Variants in TMEM63C observed in about 807,000 individuals in gnomAD.
The protein encoded by TMEM63C is transmembrane protein 63C, also known as osmosensitive cation channel TMEM63C.
A neutral mutation model predicts 99.2 loss-of-function variants in TMEM63C; 32 were observed. That is an observed-to-expected ratio of 0.32 (90% CI 0.24 to 0.43). The LOEUF is 0.43. Among genes scored for constraint, TMEM63C ranks in the 20% least tolerant of loss-of-function variants. TMEM63C has a pLI of 1.00. For missense variants in TMEM63C, 826 were observed against 1,053.0 expected, an observed-to-expected ratio of 0.78 and a Z score of 2.98; for synonymous variants, 376 against 397.9, an observed-to-expected ratio of 0.94 and a Z score of 0.66.
chr14:77,248,538 C>A, intron 19 of TMEM63C, 29 bp downstream of exon 19: 1 of 1,562,970 alleles, frequency 6.4e-7, no homozygotes, highest in South Asian at 1.2e-5. Flanking sequence ...CTGAGCACAG[C>A]CCTCAGTTTC....
At chr14:77,208,745 A>G (rs2140101724) in intron 1 of TMEM63C, among the ~76,000 whole-genome samples, 1 of 152,364 alleles carries the variant, frequency 6.6e-6, no homozygotes, top group African/African-American at 2.4e-5. Context: ...AGGGCCTGGC[A>G]TATAGAACTC....
chr14:77,224,118 C>T (rs1284607180), intron 5 of TMEM63C, among the ~76,000 whole-genome samples: 1 of 152,010 alleles, frequency 6.6e-6, no homozygotes, highest in Non-Finnish European at 1.5e-5. Flanking sequence ...CTGCTGTGAA[C>T]ACCCTCGAGT....
intron 15 of TMEM63C, 75 bp from the exon 16 acceptor site, chr14:77,244,273 TG>T: frequency 8.9e-7 from 1 of 1,128,502 alleles, no homozygotes; most frequent in Non-Finnish European, 1.3e-6. Flanking sequence ...TGGGAGTGAG[TG>T]GGAGGAGAAG....
chr14:77,188,439 T>A (rs1030353542), intron 1 of TMEM63C, among the ~76,000 whole-genome samples: 1 of 152,260 alleles, frequency 6.6e-6, no homozygotes, highest in African/African-American at 2.4e-5. Context: ...CTGGCAAGAA[T>A]GCTAGTAAAG....
chr14:77,231,153 G>C (rs1345627228), intron 6 of TMEM63C, among the ~76,000 whole-genome samples: 1 of 152,228 alleles, frequency 6.6e-6, no homozygotes, highest in Non-Finnish European at 1.5e-5. Flanking sequence ...AAATCTGGCA[G>C]TGTGGAGTGA....
At chr14:77,185,941 AT>A (rs1887986403) in intron 1 of TMEM63C, among the ~76,000 whole-genome samples, 1 of 151,210 alleles carries the variant, frequency 6.6e-6, no homozygotes, top group Non-Finnish European at 1.5e-5. Context: ...CCTTCTTTCC[AT>A]TTGCTCGTCC....
chr14:77,249,256 G>A lies in TMEM63C; in HGVS notation c.1871-35G>A, dbSNP rs748004047. 7 of 1,609,298 alleles carry A rather than the reference G, an allele frequency of 4.3e-6. No individual in the cohort carries two copies. In the Admixed American group the frequency reaches 8.3e-5, roughly 19 times the overall value. On this transcript the variant is annotated intron_variant, in intron 20 of 23. Transcript: ENST00000298351. ...GAGCCACAAAGGTCCAGACTTGAAG[G>A]GGCCACTGAGTAAGTTTCCACCTTT...
intron 9 of TMEM63C, among the ~76,000 whole-genome samples, chr14:77,237,649 C>A (rs1449454218): frequency 6.6e-6 from 1 of 152,216 alleles, no homozygotes; most frequent in Non-Finnish European, 1.5e-5. Flanking sequence ...GGCTTTAACT[C>A]CTCCCCTACT....
chr14:77,194,541 C>T (rs1241571029), intron 1 of TMEM63C, among the ~76,000 whole-genome samples: 1 of 18,236 alleles, frequency 5.5e-5, no homozygotes, highest in African/African-American at 3.7e-4. Flanking sequence ...TTCTTTCTTT[C>T]TTTCTTTCTT....
intron 2 of TMEM63C, among the ~76,000 whole-genome samples, chr14:77,215,332 G>T (rs1299404270): frequency 6.6e-6 from 1 of 152,062 alleles, no homozygotes; most frequent in African/African-American, 2.4e-5. Flanking sequence ...TGGGCATGGG[G>T]GCTCGCACCT....
intron 1 of TMEM63C, among the ~76,000 whole-genome samples, chr14:77,201,343 C>T (rs1289630346): frequency 6.6e-6 from 1 of 152,200 alleles, no homozygotes; most frequent in Non-Finnish European, 1.5e-5. Flanking sequence ...AGAGTCTGGA[C>T]TGTAATTTGC....
chr14:77,209,729 C>G (rs1334422009), intron 1 of TMEM63C, among the ~76,000 whole-genome samples: 1 of 152,136 alleles, frequency 6.6e-6, no homozygotes, highest in East Asian at 1.9e-4. Flanking sequence ...CCAAGGCTCA[C>G]CCAAGTCCAG....
chr14:77,182,966 C>T (rs1321427727), intron 1 of TMEM63C, among the ~76,000 whole-genome samples: 1 of 152,182 alleles, frequency 6.6e-6, no homozygotes, highest in East Asian at 1.9e-4. Context: ...TAGCACCACC[C>T]TCTGTTATCA....
chr14:77,212,216 C>A (rs889687650), intron 1 of TMEM63C: 7 of 152,188 alleles, frequency 4.6e-5, no homozygotes, highest in Non-Finnish European at 4.4e-5. Context: ...TTTGCAATAA[C>A]CCTGTGAGGC....
chr14:77,186,510 C>A (rs1887997181), intron 1 of TMEM63C, among the ~76,000 whole-genome samples: 1 of 152,016 alleles, frequency 6.6e-6, no homozygotes, highest in Admixed American at 6.6e-5. Flanking sequence ...TCAAGACCAG[C>A]CTGGGCAACA....
chr14:77,195,173 G>C (rs181470265), intron 1 of TMEM63C, among the ~76,000 whole-genome samples: 1 of 152,256 alleles, frequency 6.6e-6, no homozygotes, highest in Admixed American at 6.5e-5. Context: ...CCTGAACTTT[G>C]TTTTTAAATT....
rs1336832768 is a variant in TMEM63C at position 77,247,558 on chromosome 14, CAGT to C, written c.1602-787_1602-785del. Among the ~76,000 whole-genome samples, 3 of 152,220 alleles carry C rather than the reference CAGT, an allele frequency of 2.0e-5. No homozygotes were observed. In the East Asian group the frequency reaches 5.8e-4, roughly 29 times the overall value. ...TTACATTTTACTGTCTTAAAAACAT[CAGT>C]ATAAAAACTGATATTACTTATTGGA... On this transcript the variant is annotated intron_variant, in intron 18 of 23. Coordinates refer to ENST00000298351, the MANE Select transcript of TMEM63C (RefSeq NM_020431.4).
intron 21 of TMEM63C, among the ~76,000 whole-genome samples, chr14:77,250,890 A>G (rs1301140529): frequency 6.6e-6 from 1 of 152,216 alleles, no homozygotes; most frequent in Non-Finnish European, 1.5e-5. Flanking sequence ...GAAAAAATAT[A>G]AAGACCAACA....
intron 1 of TMEM63C, among the ~76,000 whole-genome samples, chr14:77,200,767 G>A (rs1383720481): frequency 6.6e-6 from 1 of 152,140 alleles, no homozygotes; most frequent in East Asian, 1.9e-4. Flanking sequence ...GGAATGTTCT[G>A]CCCTGTCCTC....
Sources: allele counts gnomAD v4.1 joint callset (sites outside exome capture counted in the v4.1 genomes callset), GRCh38; gene constraint gnomAD v4.1.1; transcripts MANE v1.5; gene names NCBI Gene and HGNC (gene_info 2026-07-23, HGNC 2026-07-21).